The following TNS2 variants were observed in gnomAD, a reference collection of about 807,000 sequenced individuals.
The protein encoded by TNS2 is tensin-2.
A neutral mutation model predicts 155.7 loss-of-function variants in TNS2; 77 were observed. The observed-to-expected ratio is 0.49, with a 90% CI of 0.41 to 0.60. The LOEUF is 0.60. TNS2 is among the 20% of genes least tolerant of loss of function. The pLI, the probability that TNS2 is intolerant of heterozygous loss-of-function variation, is 0.00. For missense variants in TNS2, 1,703 were observed against 1,868.8 expected (o/e 0.91, Z 1.64); for synonymous variants, 726 against 763.9 (o/e 0.95, Z 0.82).
In TNS2 at chr12:53,060,968, G is replaced by A. The variant is rs778955626; in HGVS notation, c.3062G>A (p.Arg1021Gln). Residue 1021 changes from arginine to glutamine, a missense_variant, in exon 20 of 29, where the codon CGA (arginine) becomes CAA (glutamine). By Grantham distance (43) the Arg-to-Gln change is conservative (BLOSUM62 1). Coordinates refer to ENST00000314250, the MANE Select transcript of TNS2 (RefSeq NM_170754.4). This position sits in a 1 kb window ranked among gnomAD's most constrained non-coding sequence, Gnocchi z 6.1. ...GLRHAPWQGPRGPPDSPDGSP... is the reference protein window; with the variant it reads ...GLRHAPWQGPQGPPDSPDGSP... ...CGCCACGCCCCCTGGCAAGGCCCTC[G>A]AGGCCCCCCCGACAGCCCAGATGGG... is the stretch of plus-strand genomic sequence containing the variant. 3.9e-5 allele frequency: 62 copies of A among 1,608,314 alleles called. No homozygotes were observed. The Middle Eastern group carries it at 6.6e-4, about 17-fold the overall frequency.
upstream of TNS2, chr12:53,049,773 G>A (rs1008756081): frequency 1.5e-5 from 4 of 269,640 alleles, no homozygotes; most frequent in African/African-American, 4.6e-5. Flanking sequence ...GCCCTGCCCC[G>A]AGACCAGAAT....
At position 53,063,185 on chromosome 12, in the gene TNS2, C is replaced by T. The variant is rs767325703; in HGVS notation, c.3920C>T (p.Pro1307Leu). 26 of 1,612,382 alleles carry T rather than the reference C, an allele frequency of 1.6e-5. No individual in the cohort carries two copies. In the South Asian group the frequency reaches 2.8e-4, roughly 17 times the overall value. The change falls in exon 26 of 29, where the codon CCC (proline) becomes CTC (leucine). Residue 1307 changes from proline to leucine, a missense_variant. Pro to Leu is a moderately conservative substitution (Grantham distance 98). Transcript: ENST00000314250. This position sits in a 1 kb window ranked among gnomAD's most constrained non-coding sequence, Gnocchi z 5.6. ...RASSAALSCS[P>L]RPTPAVVHFK... ...AGCTCTGCAGCTCTGAGCTGTAGCC[C>T]CCGCCCGACACCAGCTGTTGTCCAC... is the stretch of plus-strand genomic sequence containing the variant.
At chr12:53,054,839 A>ATTTT (rs71095973) in intron 7 of TNS2, among the ~76,000 whole-genome samples, 23 of 94,252 alleles carry the variant, frequency 2.4e-4, no homozygotes, top group East Asian at 3.5e-4. Flanking sequence ...CGCCCAGCCA[A>ATTTT]TTTTTTTTTT....
chr12:53,057,538 T>A (rs543944971), intron 11 of TNS2, 29 bp from the exon 12 acceptor site: 2 of 1,552,106 alleles, frequency 1.3e-6, no homozygotes, highest in Admixed American at 1.7e-5. Flanking sequence ...GGAAAAGGCT[T>A]ATGTTCTCCT....
In TNS2 at chr12:53,059,101, A is replaced by G; in HGVS notation, c.1460A>G (p.Gln487Arg). 6.5e-7 allele frequency: 1 copy of G among 1,549,362 alleles called. No homozygotes were observed. Reference sequence around the variant, plus strand: ...GATGGCAGTCCTTATGCCCAGGTGCAGCGGCCTCCCCGGCAGACCCCCCCG... The same window carrying G: ...GATGGCAGTCCTTATGCCCAGGTGCGGCGGCCTCCCCGGCAGACCCCCCCG... The part of the protein sequence containing the change: ...PLDGSPYAQV[Q>R]RPPRQTPPAP... The change falls in exon 18 of 29, where the codon CAG becomes CGG. Residue 487 changes from glutamine (Q) to arginine (R), a missense_variant. Physicochemically the swap from Gln to Arg is conservative, Grantham distance 43. Coordinates refer to ENST00000314250, the MANE Select transcript of TNS2 (RefSeq NM_170754.4). This position sits in a 1 kb window ranked among gnomAD's most constrained non-coding sequence, Gnocchi z 4.7.
At chr12:53,047,180 CG>C (rs1342372545), upstream of TNS2, 1 of 53,408 alleles carries the variant, frequency 1.9e-5, no homozygotes, top group Non-Finnish European at 3.1e-5. Context: ...CTGCCACGGG[CG>C]CGGGCGCGGG....
chr12:53,055,925 G>A, intron 10 of TNS2, 80 bp downstream of exon 10: 18 of 1,452,246 alleles, frequency 1.2e-5, no homozygotes, highest in Non-Finnish European at 1.2e-5. Flanking sequence ...ATCTCCCCTG[G>A]AGCCCACCTC....
rs1422439142 is a variant in TNS2 at position 53,060,502 on chromosome 12, G to T, written c.2715G>T (p.Leu905Phe). ...CCCCATGCAGTGCTTCGTCAGAGTT[G>T]TCTGGTCCCTCCACGCCCCTGCACA... ...RDAPCSASSE[L>F]SGPSTPLHTS... is the part of the protein sequence containing the mutation. The change falls in exon 19 of 29, where the codon TTG (leucine) becomes TTT (phenylalanine). Residue 905 changes from leucine (L) to phenylalanine (F), a missense_variant. Physicochemically the swap from Leu to Phe is conservative, Grantham distance 22. Coordinates refer to ENST00000314250, the MANE Select transcript of TNS2 (RefSeq NM_170754.4). This position sits in a 1 kb window ranked among gnomAD's most constrained non-coding sequence, Gnocchi z 6.1. The T allele has an allele frequency of 6.2e-7, 1 of 1,613,856 alleles. No individual in the cohort carries two copies. Among genetic ancestry groups the T allele is most frequent in the South Asian group, 1.1e-5 (1 of 91,086 alleles).
chr12:53,054,839 ATTTTTTTTTTTTT>A (rs71095973), intron 7 of TNS2, among the ~76,000 whole-genome samples: 1 of 94,274 alleles, frequency 1.1e-5, no homozygotes, highest in East Asian at 3.4e-4. Context: ...CGCCCAGCCA[ATTTTTTTTTTTTT>A]TTTTTTTTTT....
At position 53,050,542 on chromosome 12, in the gene TNS2, C is replaced by T. The variant is rs1286983300; in HGVS notation, c.75+282C>T. 6.6e-6 allele frequency among the ~76,000 whole-genome samples: 1 copy of T among 152,126 alleles called. No homozygotes were observed. The highest frequency in any genetic ancestry group is 1.5e-5 in the Non-Finnish European group (1 of 68,028). On this transcript the variant is annotated intron_variant, in intron 1 of 28. Transcript: ENST00000314250. The surrounding 1 kb of genome is among the most constrained non-coding windows in gnomAD (Gnocchi z 4.7). ...CCCAACATAAGCCCCAGGTGCCTCACTGCAGGACTTTGCCATGCGCTATCC... is the reference window on the plus strand; with the variant it reads ...CCCAACATAAGCCCCAGGTGCCTCATTGCAGGACTTTGCCATGCGCTATCC...
Position 53,058,325 on chromosome 12 carries a change from TA to T in TNS2, c.1106del (p.Tyr369PhefsTer103). On this transcript the variant is annotated frameshift_variant, in exon 15 of 29. Transcript: ENST00000314250. LOFTEE classifies it high-confidence loss of function. ...CCTGCCTTTCTCCCAGGTAACATGT[TA>T]TCACAAGGGTGGCCGGGGCACAGAC... ...LLKGDVMVTC[Y>X]HKGGRGTDRT... The T allele has an allele frequency of 6.2e-7, 1 of 1,614,108 alleles. No homozygotes were observed. The highest frequency in any genetic ancestry group is 8.5e-7 in the Non-Finnish European group (1 of 1,180,006).
rs117267236 is a variant in TNS2 at position 53,060,220 on chromosome 12, C to T, written c.2579C>T (p.Pro860Leu). 1.7e-4 allele frequency: 271 copies of T among 1,556,778 alleles called. 1 individual carries two copies. In the East Asian group the frequency reaches 3.8e-3, roughly 22 times the overall value. The change falls in exon 18 of 29, where the codon CCT (proline) becomes CTT (leucine). Residue 860 changes from proline (P) to leucine (L), a missense_variant. Coordinates refer to ENST00000314250, the MANE Select transcript of TNS2 (RefSeq NM_170754.4). The surrounding 1 kb of genome is among the most constrained non-coding windows in gnomAD (Gnocchi z 6.1). ...GAGGGAGGGGACAGGTACCCATTGC[C>T]TGGGCACCTGGCCTCAGCAGGACCT... Reference protein sequence around the residue: ...TEEGGDRYPLPGHLASAGPLA... With the variant: ...TEEGGDRYPLLGHLASAGPLA...
upstream of TNS2, among the ~76,000 whole-genome samples, chr12:53,047,290 A>G (rs1943755379): frequency 7.2e-6 from 1 of 138,908 alleles, no homozygotes. Flanking sequence ...CGGCGCGGGC[A>G]CGGGCGGGAT....
intron 24 of TNS2, 66 bp from the exon 25 acceptor site, chr12:53,062,554 G>A (rs1944417168): frequency 6.2e-7 from 1 of 1,608,300 alleles, no homozygotes; most frequent in Admixed American, 1.7e-5. Flanking sequence ...GGGAAGCAGA[G>A]GGAGTGCTCC....
At position 53,054,259 on chromosome 12, in the gene TNS2, C is replaced by G. The variant is rs375620405; in HGVS notation, c.351-11C>G. 1 of 1,611,800 alleles carries G rather than the reference C, an allele frequency of 6.2e-7. No homozygotes were observed. The highest frequency in any genetic ancestry group is 1.3e-5 in the African/African-American group (1 of 74,904). On this transcript the variant is annotated splice_polypyrimidine_tract_variant and intron_variant, in intron 6 of 28. Transcript: ENST00000314250. Reference sequence around the variant, plus strand: ...CGCCCCTGCGTTCATGCGTAGGCTCCTCCTCCCCAGGAGCTTCAGCCTGGA... The same window carrying G: ...CGCCCCTGCGTTCATGCGTAGGCTCGTCCTCCCCAGGAGCTTCAGCCTGGA...
Position 53,057,072 on chromosome 12 carries a change from C to T in TNS2, c.821C>T (p.Thr274Ile), listed in dbSNP as rs766699580. 2 of 1,613,572 alleles carry T rather than the reference C, an allele frequency of 1.2e-6. No homozygotes were observed. Among genetic ancestry groups the T allele is most frequent in the Non-Finnish European group, 1.7e-6 (2 of 1,179,856 alleles). ...AAATTCTGCGAGGACAAGGTGGCCA[C>T]AGAACTGCAGCCCTCCCAGCGTCGG... ...MRKFCEDKVA[T>I]ELQPSQRRYI... The change falls in exon 11 of 29, where the codon ACA (threonine) becomes ATA (isoleucine). Residue 274 changes from threonine to isoleucine, a missense_variant. By Grantham distance (89) the Thr-to-Ile change is moderately conservative. Coordinates refer to ENST00000314250, the MANE Select transcript of TNS2 (RefSeq NM_170754.4).
At position 53,059,685 on chromosome 12, in the gene TNS2, C is replaced by T. The variant is rs1170348698; in HGVS notation, c.2044C>T (p.Pro682Ser). The change falls in exon 18 of 29, where the codon CCT becomes TCT. Residue 682 changes from proline (P) to serine (S), a missense_variant. Physicochemically the swap from Pro to Ser is moderately conservative, Grantham distance 74. Transcript: ENST00000314250. The surrounding 1 kb of genome is among the most constrained non-coding windows in gnomAD (Gnocchi z 4.7). ...CCGGGAGGTGGTCATCCTGGAGGAC[C>T]CTGGGCTGCCTGCCCTATACCCATG... ...GYREVVILED[P>S]GLPALYPCPA... 1 of 1,613,208 alleles carries T rather than the reference C, an allele frequency of 6.2e-7. No individual in the cohort carries two copies. The highest frequency in any genetic ancestry group is 1.7e-5 in the Admixed American group (1 of 60,008).
Position 53,061,116 on chromosome 12 carries a change from G to T in TNS2, c.3210G>T (p.Gln1070His). Residue 1070 changes from glutamine to histidine, a missense_variant, in exon 20 of 29, where the codon CAG becomes CAT. By Grantham distance (24) the Gln-to-His change is conservative (BLOSUM62 0). Coordinates refer to ENST00000314250, the MANE Select transcript of TNS2 (RefSeq NM_170754.4). ...AASYDTNGLSQPPLPEKRHLP... is the reference protein window; with the variant it reads ...AASYDTNGLSHPPLPEKRHLP... ...CCTATGACACCAATGGCCTTAGCCAGCCCCCACTTCCTGAGAAACGCCACC... is the reference window on the plus strand; with the variant it reads ...CCTATGACACCAATGGCCTTAGCCATCCCCCACTTCCTGAGAAACGCCACC... The T allele has an allele frequency of 6.2e-7, 1 of 1,610,758 alleles. No homozygotes were observed. The highest frequency in any genetic ancestry group is 8.5e-7 in the Non-Finnish European group (1 of 1,178,472).
chr12:53,048,455 A>C (rs1000535992), upstream of TNS2, among the ~76,000 whole-genome samples: 18 of 152,164 alleles, frequency 1.2e-4, 1 homozygote, highest in African/African-American at 4.3e-4. Flanking sequence ...AGCCACCCCC[A>C]CTGCCCACCT....
Sources: allele counts gnomAD v4.1 joint callset (sites outside exome capture counted in the v4.1 genomes callset), GRCh38; gene constraint gnomAD v4.1.1; non-coding constraint Gnocchi (gnomAD v3.1); transcripts MANE v1.5; gene names NCBI Gene and HGNC (gene_info 2026-07-23, HGNC 2026-07-21).